CELSR1: variants seen among roughly 807,000 people sequenced by gnomAD.
CELSR1 encodes the protein adhesion G protein-coupled receptor C1.
A neutral mutation model predicts 249.1 loss-of-function variants in CELSR1; 110 were observed. That is an observed-to-expected ratio of 0.44 (90% CI 0.38 to 0.52). The LOEUF is 0.52. Among genes scored for constraint, CELSR1 ranks in the 20% least tolerant of loss-of-function variants. The pLI, the probability that CELSR1 is intolerant of heterozygous loss-of-function variation, is 0.00. For missense variants in CELSR1, 4,109 were observed against 4,296.4 expected, an observed-to-expected ratio of 0.96 and a Z score of 1.22; for synonymous variants, 2,113 against 1,900.0, an observed-to-expected ratio of 1.11 and a Z score of -2.92.
chr22:46,485,496 C>G (rs1023103825), intron 1 of CELSR1, among the ~76,000 whole-genome samples: 1 of 152,218 alleles, frequency 6.6e-6, no homozygotes, highest in African/African-American at 2.4e-5. Context: ...TGGGAGGCTG[C>G]ATGCGGGGCC....
Position 46,456,661 on chromosome 22 carries a change from TAAAAA to T in CELSR1, c.4183+7041_4183+7045del, listed in dbSNP as rs556357746. On this transcript the variant is annotated intron_variant, in intron 2 of 34. Transcript: ENST00000674500. ...CTGGGCGACAGAGCGAGACTCTGTC[TAAAAA>T]AAAAAAAAAAAAAAAAAAAAAGAGA... 2.0e-3 allele frequency among the ~76,000 whole-genome samples: 123 copies of T among 60,280 alleles called. 1 individual carries two copies. Among genetic ancestry groups the T allele is most frequent in the Admixed American group, 0.011 (51 of 4,542 alleles). 39.5% of individuals were successfully genotyped at this position (60,280 alleles called of 152,430 possible).
intron 25 of CELSR1, chr22:46,370,277 C>T (rs1463743245): frequency 7.9e-6 from 3 of 379,972 alleles, no homozygotes; most frequent in African/African-American, 2.1e-5. Flanking sequence ...ACGCATATAC[C>T]CCCATACCAC....
Position 46,536,588 on chromosome 22 carries a change from G to C in CELSR1, c.583C>G (p.Arg195Gly). 1 of 1,204,342 alleles carries C rather than the reference G, an allele frequency of 8.3e-7. No individual in the cohort carries two copies. Among genetic ancestry groups the C allele is most frequent in the Non-Finnish European group, 1.0e-6 (1 of 973,078 alleles). The allele number at this position is 1,204,342 out of a possible 1,614,324, so 74.6% of individuals were successfully genotyped here. A position where few individuals can be genotyped will look rare whatever the true frequency, so the allele number is the denominator to read the frequency against. The change falls in exon 1 of 35, where the codon CGG (arginine) becomes GGG (glycine). Residue 195 changes from arginine (R) to glycine (G), a missense_variant. Physicochemically the swap from Arg to Gly is moderately radical, Grantham distance 125. Transcript: ENST00000674500. ...GCGGCCTCCAGCGCCAGTCCCACCCGGACGGCGCCAGCCGCGCGCCGCAGG... is the reference window on the plus strand; with the variant it reads ...GCGGCCTCCAGCGCCAGTCCCACCCCGACGGCGCCAGCCGCGCGCCGCAGG... Reference protein sequence around the residue: ...CALRRAAGAVRVGLALEAATA... With the variant: ...CALRRAAGAVGVGLALEAATA...
intron 20 of CELSR1, 62 bp downstream of exon 20, chr22:46,384,481 G>C (rs887934252): frequency 6.6e-7 from 1 of 1,516,620 alleles, no homozygotes; most frequent in African/African-American, 1.4e-5. Context: ...CCGCAGCGGG[G>C]CCCTCCCCTC....
intron 1 of CELSR1, among the ~76,000 whole-genome samples, chr22:46,465,569 C>T (rs1247179493): frequency 1.3e-5 from 2 of 152,204 alleles, no homozygotes; most frequent in Non-Finnish European, 2.9e-5. Flanking sequence ...CGGCAACACA[C>T]CCGACAAGGC....
In CELSR1 at chr22:46,391,305, G is replaced by T. The variant is rs983816928; in HGVS notation, c.6149-18C>A. ...GTAGATCACTGGGGTAGAGAAGAGAGAAGTCTGCTCAGCGGGGCACGCCAC... is the reference window on the plus strand; with the variant it reads ...GTAGATCACTGGGGTAGAGAAGAGATAAGTCTGCTCAGCGGGGCACGCCAC... On this transcript the variant is annotated intron_variant, in intron 15 of 34. Coordinates refer to ENST00000674500, the MANE Select transcript of CELSR1 (RefSeq NM_001378328.1). This position sits in a 1 kb window ranked among gnomAD's most constrained non-coding sequence, Gnocchi z 4.3. The T allele has an allele frequency of 1.3e-5, 21 of 1,609,422 alleles. No individual in the cohort carries two copies. Among genetic ancestry groups the T allele is most frequent in the Non-Finnish European group, 1.4e-5 (17 of 1,176,588 alleles).
intron 1 of CELSR1, among the ~76,000 whole-genome samples, chr22:46,466,456 G>C (rs2080097589): frequency 1.3e-5 from 2 of 152,224 alleles, no homozygotes; most frequent in Non-Finnish European, 1.5e-5. Context: ...TCGGGAAGAA[G>C]GCAGCACTCC....
chr22:46,385,144 G>A (rs888903800), intron 19 of CELSR1, among the ~76,000 whole-genome samples: 2 of 151,914 alleles, frequency 1.3e-5, no homozygotes, highest in African/African-American at 2.4e-5. Context: ...ACCCAGGCTG[G>A]AGTGCAGTAG....
At chr22:46,372,161 C>T (rs570244116) in intron 25 of CELSR1, among the ~76,000 whole-genome samples, 1 of 151,198 alleles carries the variant, frequency 6.6e-6, no homozygotes, top group Non-Finnish European at 1.5e-5. Context: ...CATCATCTAC[C>T]CACTCACTCA....
At chr22:46,422,580 T>A (rs576731303) in intron 5 of CELSR1, among the ~76,000 whole-genome samples, 68 of 148,288 alleles carry the variant, frequency 4.6e-4, no homozygotes, top group Admixed American at 2.0e-3. Context: ...TAAAAAAAAA[T>A]AATAATAATA....
Position 46,429,682 on chromosome 22 carries a change from G to A in CELSR1, c.4611+3711C>T, listed in dbSNP as rs933105236. Among the ~76,000 whole-genome samples, 6 of 152,238 alleles carry A rather than the reference G, an allele frequency of 3.9e-5. No individual in the cohort carries two copies. The highest frequency in any genetic ancestry group is 1.4e-4 in the African/African-American group (6 of 41,468). On this transcript the variant is annotated intron_variant, in intron 5 of 34. Transcript: ENST00000674500. The surrounding 1 kb of genome is among the most constrained non-coding windows in gnomAD (Gnocchi z 4.1). ...CCATGGCTTCTGGTGGCTTTGGCCAGTGGGGAGCCAGACGGGAGGATAGAG... is the reference window on the plus strand; with the variant it reads ...CCATGGCTTCTGGTGGCTTTGGCCAATGGGGAGCCAGACGGGAGGATAGAG...
intron 1 of CELSR1, among the ~76,000 whole-genome samples, chr22:46,528,533 C>T (rs920088911): frequency 3.3e-5 from 5 of 152,206 alleles, no homozygotes; most frequent in Non-Finnish European, 4.4e-5. Context: ...CCTGCACCCA[C>T]GGACACACAC....
At chr22:46,507,461 C>T (rs1323098382) in intron 1 of CELSR1, among the ~76,000 whole-genome samples, 4 of 152,012 alleles carry the variant, frequency 2.6e-5, no homozygotes, top group African/African-American at 9.7e-5. Context: ...CTCCAGCTGC[C>T]CCAGCGGCTC....
At chr22:46,369,582 GC>G (rs1429096485) in intron 26 of CELSR1, 109 bp downstream of exon 26, 3 of 950,436 alleles carry the variant, frequency 3.2e-6, no homozygotes, top group African/African-American at 1.6e-5. Context: ...GGCCCTTCCT[GC>G]CCCCCGTCGG....
chr22:46,536,887 C>T lies in CELSR1; in HGVS notation c.284G>A (p.Arg95His), dbSNP rs1351961086. The change falls in exon 1 of 35, where the codon CGC (arginine) becomes CAC (histidine). Residue 95 changes from arginine (R) to histidine (H), a missense_variant. By Grantham distance (29) the Arg-to-His change is conservative (BLOSUM62 0). Around this residue, in one of 7 missense-constraint regions of CELSR1, gnomAD observed 673 missense variants for 636.8 expected, o/e 1.06. Coordinates refer to ENST00000674500, the MANE Select transcript of CELSR1 (RefSeq NM_001378328.1). ...PLPLQVRLVARSAPTALSRRL... is the reference protein window; with the variant it reads ...PLPLQVRLVAHSAPTALSRRL... Reference sequence around the variant, plus strand: ...GCGGCTCAGCGCCGTCGGGGCACTGCGGGCCACCAAGCGGACTTGCAGCGG... The same window carrying T: ...GCGGCTCAGCGCCGTCGGGGCACTGTGGGCCACCAAGCGGACTTGCAGCGG... 8.2e-7 allele frequency: 1 copy of T among 1,225,276 alleles called. No individual in the cohort carries two copies. The highest frequency in any genetic ancestry group is 1.0e-6 in the Non-Finnish European group (1 of 978,634). 75.9% of individuals were successfully genotyped at this position (1,225,276 alleles called of 1,614,324 possible).
intron 2 of CELSR1, among the ~76,000 whole-genome samples, chr22:46,459,123 C>T (rs536674588): frequency 2.0e-5 from 3 of 152,208 alleles, no homozygotes; most frequent in South Asian, 2.1e-4. Context: ...CTCCTGACCT[C>T]GTGATCCACG....
intron 5 of CELSR1, among the ~76,000 whole-genome samples, chr22:46,421,908 C>T (rs1003934775): frequency 6.6e-6 from 1 of 152,230 alleles, no homozygotes; most frequent in South Asian, 2.1e-4. Flanking sequence ...GGAGCATCCC[C>T]ATCCCCTCCT....
chr22:46,450,477 C>T (rs1376484169), intron 2 of CELSR1, among the ~76,000 whole-genome samples: 1 of 152,262 alleles, frequency 6.6e-6, no homozygotes, highest in Non-Finnish European at 1.5e-5. Flanking sequence ...ACAGTCCACA[C>T]ATGACCTTCC....
chr22:46,492,239 G>A (rs183082740), intron 1 of CELSR1, among the ~76,000 whole-genome samples: 3 of 152,326 alleles, frequency 2.0e-5, no homozygotes, highest in Non-Finnish European at 4.4e-5. Context: ...CACGTTCACA[G>A]GCTAGTCTCA....
Sources: gnomAD v4.1 joint callset for allele counts (sites outside exome capture counted in the v4.1 genomes callset) on GRCh38, gnomAD v4.1.1 for gene constraint, gnomAD v4.1.1 regional missense constraint, Gnocchi (gnomAD v3.1) non-coding constraint, MANE v1.5 for transcripts, NCBI Gene and HGNC (gene_info 2026-07-23, HGNC 2026-07-21) for gene names.